KHDRBS2: variants seen among roughly 807,000 people sequenced by gnomAD.
KHDRBS2 encodes the protein KH RNA binding domain containing, signal transduction associated 2, also known as KH domain-containing, RNA-binding, signal transduction-associated protein 2.
A neutral mutation model predicts 44.3 loss-of-function variants in KHDRBS2; 26 were observed. The ratio of observed to expected loss-of-function variants is 0.59; its 90% CI spans 0.43 to 0.81. KHDRBS2 has a LOEUF of 0.81. KHDRBS2 is among the 40% of genes least tolerant of loss of function. KHDRBS2 has a pLI of 0.00. For missense variants in KHDRBS2, 476 were observed against 433.1 expected (o/e 1.10, Z -0.88); for synonymous variants, 194 against 151.1 (o/e 1.28, Z -2.08).
chr6:62,134,958 G>A (rs1811188023), intron 2 of KHDRBS2, among the ~76,000 whole-genome samples: 1 of 152,186 alleles, frequency 6.6e-6, no homozygotes. Flanking sequence ...TGTCTCAGAT[G>A]AGACTTTGGA....
At chr6:61,930,401 G>T (rs1200553024) in intron 4 of KHDRBS2, among the ~76,000 whole-genome samples, 2 of 151,616 alleles carry the variant, frequency 1.3e-5, no homozygotes, top group East Asian at 1.9e-4. Context: ...GAAAGAACTA[G>T]TTCTCATAAT....
At chr6:61,671,210 A>G in the KHDRBS2 span, among the ~76,000 whole-genome samples, 84 of 151,796 alleles carry the variant, frequency 5.5e-4, no homozygotes, top group African/African-American at 1.9e-3. Context: ...AGGCATCAAG[A>G]TGATAGAAAA....
rs141590008 is a variant in KHDRBS2, at chr6:62,254,303, A to G, written c.91+31555T>C. 4.1e-3 allele frequency among the ~76,000 whole-genome samples: 626 copies of G among 152,196 alleles called. 8 individuals are homozygous for G. The highest frequency in any genetic ancestry group is 0.014 in the African/African-American group (572 of 41,554). ...AACTGTACCCACTATTTCATTCAACAAATATTTGAATCACTGATATATTCC... is the reference window on the plus strand; with the variant it reads ...AACTGTACCCACTATTTCATTCAACGAATATTTGAATCACTGATATATTCC... On this transcript the variant is annotated intron_variant, in intron 1 of 8. Coordinates refer to ENST00000281156, the MANE Select transcript of KHDRBS2 (RefSeq NM_152688.4).
chr6:62,095,018 G>A (rs1222551035), intron 2 of KHDRBS2, among the ~76,000 whole-genome samples: 1 of 151,798 alleles, frequency 6.6e-6, no homozygotes, highest in African/African-American at 2.4e-5. Flanking sequence ...TGTTGTTTTT[G>A]CTCAGAATTG....
chr6:61,838,992 T>A (rs1228999601), intron 6 of KHDRBS2, among the ~76,000 whole-genome samples: 1 of 152,038 alleles, frequency 6.6e-6, no homozygotes, highest in African/African-American at 2.4e-5. Context: ...TCCTCCAGTA[T>A]CACAATGCTC....
intron 6 of KHDRBS2, among the ~76,000 whole-genome samples, chr6:61,879,680 C>T (rs1324959985): frequency 6.6e-6 from 1 of 151,826 alleles, no homozygotes; most frequent in African/African-American, 2.4e-5. Flanking sequence ...TATCCTTTAA[C>T]ATACTAACAT....
chr6:61,682,406 G>A (rs980714003), intron 8 of KHDRBS2, among the ~76,000 whole-genome samples: 1 of 151,738 alleles, frequency 6.6e-6, no homozygotes, highest in Non-Finnish European at 1.5e-5. Context: ...ATATAAAATA[G>A]GAGTAAGAAA....
chr6:61,708,056 AT>A (rs1017135424), intron 7 of KHDRBS2, among the ~76,000 whole-genome samples: 1 of 151,578 alleles, frequency 6.6e-6, no homozygotes, highest in African/African-American at 2.4e-5. Context: ...TTCATTCAAG[AT>A]TTTTTCCATT....
chr6:61,748,643 C>G (rs1164352406), intron 6 of KHDRBS2, among the ~76,000 whole-genome samples: 3 of 152,138 alleles, frequency 2.0e-5, no homozygotes, highest in Non-Finnish European at 4.4e-5. Context: ...ATCAGTTTGC[C>G]ATACAGAGAC....
intron 2 of KHDRBS2, among the ~76,000 whole-genome samples, chr6:62,112,499 C>G: frequency 6.6e-6 from 1 of 152,090 alleles, no homozygotes; most frequent in East Asian, 1.9e-4. Context: ...AATAGGGCAT[C>G]TCCACTAGGA....
chr6:61,633,777 A>G, the KHDRBS2 span, among the ~76,000 whole-genome samples: 1 of 146,830 alleles, frequency 6.8e-6, no homozygotes, highest in South Asian at 2.1e-4. Flanking sequence ...AAAAGAGTAT[A>G]TATTAATATA....
chr6:62,005,705 T>A (rs1286811020), intron 3 of KHDRBS2, among the ~76,000 whole-genome samples: 1 of 151,642 alleles, frequency 6.6e-6, no homozygotes, highest in East Asian at 1.9e-4. Flanking sequence ...GAATAAAGAA[T>A]ATAAAATAAC....
the KHDRBS2 span, among the ~76,000 whole-genome samples, chr6:61,567,875 G>T: frequency 6.6e-6 from 1 of 152,038 alleles, no homozygotes; most frequent in South Asian, 2.1e-4. Flanking sequence ...ATGTGAGGGT[G>T]ATCTAGCTGT....
At chr6:62,192,002 A>G (rs1369873993) in intron 1 of KHDRBS2, among the ~76,000 whole-genome samples, 2 of 152,008 alleles carry the variant, frequency 1.3e-5, no homozygotes, top group Non-Finnish European at 2.9e-5. Flanking sequence ...CTTGTTACTT[A>G]TATGTTAATG....
intron 6 of KHDRBS2, among the ~76,000 whole-genome samples, chr6:61,778,326 T>C (rs1295509730): frequency 7.9e-5 from 12 of 152,158 alleles, no homozygotes; most frequent in Non-Finnish European, 1.5e-5. Context: ...ACACATTCTC[T>C]TTCTTGATCT....
chr6:61,922,459 C>A (rs575607343), intron 4 of KHDRBS2, among the ~76,000 whole-genome samples: 2 of 152,144 alleles, frequency 1.3e-5, no homozygotes, highest in African/African-American at 4.8e-5. Flanking sequence ...GCTGCAAAAA[C>A]AGACAACACT....
chr6:62,026,544 T>A (rs1783365344), intron 3 of KHDRBS2, among the ~76,000 whole-genome samples: 1 of 151,678 alleles, frequency 6.6e-6, no homozygotes, highest in Admixed American at 6.6e-5. Context: ...GCAGTCCTCC[T>A]ACCTCAGCCT....
intron 7 of KHDRBS2, among the ~76,000 whole-genome samples, chr6:61,717,302 G>T (rs1370011203): frequency 2.0e-5 from 3 of 151,886 alleles, no homozygotes; most frequent in African/African-American, 4.8e-5. Context: ...ACTAACAGTG[G>T]TTCTCTGAAG....
chr6:61,668,695 T>A, the KHDRBS2 span, among the ~76,000 whole-genome samples: 3 of 151,216 alleles, frequency 2.0e-5, no homozygotes, highest in African/African-American at 7.2e-5. Context: ...ATCTGTTTAA[T>A]CCCAGCACTT....
Sources: gnomAD v4.1 joint callset for allele counts (sites outside exome capture counted in the v4.1 genomes callset) on GRCh38, gnomAD v4.1.1 for gene constraint, MANE v1.5 for transcripts, NCBI Gene and HGNC (gene_info 2026-07-23, HGNC 2026-07-21) for gene names.